Variants in SKAP1 observed in about 807,000 individuals in gnomAD.
SKAP1 encodes src kinase-associated phosphoprotein 1.
In SKAP1, 44 loss-of-function variants were observed where a neutral mutation model predicts 58.5. The observed-to-expected ratio is 0.75, with a 90% CI of 0.59 to 0.97. The LOEUF (loss-of-function observed/expected upper bound fraction) is 0.97. Ranked by LOEUF, SKAP1 falls within the 50% of genes least tolerant of loss-of-function variation. The pLI, the probability that SKAP1 is intolerant of heterozygous loss-of-function variation, is 0.00. For synonymous variants in SKAP1, 127 were observed against 149.7 expected (o/e 0.85, Z 1.11); for missense variants, 390 against 435.2 (o/e 0.90, Z 0.92).
chr17:48,368,095 T>TA (rs1386185130), intron 2 of SKAP1, among the ~76,000 whole-genome samples: 12 of 152,140 alleles, frequency 7.9e-5, no homozygotes. Flanking sequence ...GTTTGTTTTT[T>TA]AAAAAAGCCA....
At chr17:48,391,933 A>G (rs1411294411) in intron 2 of SKAP1, among the ~76,000 whole-genome samples, 1 of 152,184 alleles carries the variant, frequency 6.6e-6, no homozygotes, top group Non-Finnish European at 1.5e-5. Context: ...TTCTTTTGAT[A>G]AGCATACTTC....
At chr17:48,361,789 T>C (rs1004353805) in intron 3 of SKAP1, among the ~76,000 whole-genome samples, 1 of 152,172 alleles carries the variant, frequency 6.6e-6, no homozygotes, top group Non-Finnish European at 1.5e-5. Flanking sequence ...TCCAGGGCTT[T>C]TAAGATTCTT....
At chr17:48,332,127 C>T (rs112199701) in intron 4 of SKAP1, among the ~76,000 whole-genome samples, 1 of 152,038 alleles carries the variant, frequency 6.6e-6, no homozygotes, top group African/African-American at 2.4e-5. Context: ...TAATTACATT[C>T]TTGTTTTAAA....
rs1359764854 is a variant in SKAP1 at position 48,133,786 on chromosome 17, T to A, written c.*38A>T. The A allele has an allele frequency of 6.6e-6, 1 of 152,470 alleles. No individual in the cohort carries two copies. The highest frequency in any genetic ancestry group is 1.5e-5 in the Non-Finnish European group (1 of 68,024). The allele number at this position is 152,470 out of a possible 1,614,324, so 9.4% of individuals were successfully genotyped here. On this transcript the variant is annotated 3_prime_UTR_variant, in exon 13 of 13. Transcript: ENST00000336915. ...GAACTTTTGATGATCAGTTTCCTCA[T>A]AAAGGCAGGAGAGAGGGAAGAATAT... is the stretch of plus-strand genomic sequence containing the variant.
intron 11 of SKAP1, among the ~76,000 whole-genome samples, chr17:48,146,395 A>C (rs568895348): frequency 6.6e-6 from 1 of 151,896 alleles, no homozygotes; most frequent in East Asian, 2.0e-4. Flanking sequence ...CGGGAGGCTA[A>C]GGCAGGATAA....
chr17:48,268,369 C>T (rs1469754986), intron 4 of SKAP1, among the ~76,000 whole-genome samples: 1 of 152,058 alleles, frequency 6.6e-6, no homozygotes, highest in African/African-American at 2.4e-5. Flanking sequence ...TCCTGACTTA[C>T]AAACCCTTGA....
chr17:48,205,627 A>G (rs1000153918), intron 4 of SKAP1, among the ~76,000 whole-genome samples: 6 of 152,202 alleles, frequency 3.9e-5, no homozygotes, highest in African/African-American at 1.4e-4. Flanking sequence ...TCAGAACAGA[A>G]TTCTTAAAAA....
intron 4 of SKAP1, among the ~76,000 whole-genome samples, chr17:48,250,588 G>GT (rs1181928683): frequency 1.3e-5 from 2 of 151,994 alleles, no homozygotes; most frequent in East Asian, 3.9e-4. Context: ...GCCATAGATA[G>GT]TTTTTTTAAG....
intron 4 of SKAP1, among the ~76,000 whole-genome samples, chr17:48,224,038 AAGGAGGAGGAGGAGGAGGAGGAGGAGG>A (rs1283982367): frequency 3.4e-4 from 18 of 52,408 alleles, no homozygotes; most frequent in East Asian, 6.8e-4. Flanking sequence ...GAGAGAGAAG[AAGGAGGAGGAGGAGGAGGAGGAGGAGG>A]AGAAGGAGGA....
chr17:48,299,004 A>G (rs1020170821), intron 4 of SKAP1, among the ~76,000 whole-genome samples: 5 of 152,208 alleles, frequency 3.3e-5, no homozygotes, highest in Non-Finnish European at 7.3e-5. Flanking sequence ...TATGGAGAAT[A>G]TCAGGGACAT....
intron 11 of SKAP1, among the ~76,000 whole-genome samples, chr17:48,152,508 G>A (rs1167789730): frequency 6.6e-6 from 1 of 152,202 alleles, no homozygotes; most frequent in East Asian, 1.9e-4. Context: ...TCTAATAAAT[G>A]TGCAGTTGAC....
At chr17:48,431,813 A>C (rs2058649832), upstream of SKAP1, among the ~76,000 whole-genome samples, 1 of 152,236 alleles carries the variant, frequency 6.6e-6, no homozygotes, top group Non-Finnish European at 1.5e-5. Context: ...TGGTTTTTAC[A>C]ACAGCCATAA....
chr17:48,395,059 C>T (rs542547738), intron 2 of SKAP1, among the ~76,000 whole-genome samples: 2 of 152,292 alleles, frequency 1.3e-5, no homozygotes, highest in South Asian at 2.1e-4. Context: ...GTCTACCCCA[C>T]AAACCACACA....
intron 3 of SKAP1, among the ~76,000 whole-genome samples, chr17:48,354,836 C>T (rs964405910): frequency 5.9e-5 from 9 of 152,062 alleles, no homozygotes; most frequent in African/African-American, 1.9e-4. Context: ...AAGTCTTAAC[C>T]TACTTACTCA....
At chr17:48,363,979 T>C (rs2066969897) in intron 2 of SKAP1, among the ~76,000 whole-genome samples, 165 bp from the exon 3 acceptor site, 2 of 152,210 alleles carry the variant, frequency 1.3e-5, no homozygotes, top group Non-Finnish European at 2.9e-5. Flanking sequence ...TCCCTGAGAT[T>C]TGAAAGAGTC....
chr17:48,219,390 A>G (rs1297589377), intron 4 of SKAP1, among the ~76,000 whole-genome samples: 1 of 152,258 alleles, frequency 6.6e-6, no homozygotes, highest in East Asian at 1.9e-4. Flanking sequence ...TTATATGTCC[A>G]GCCTCAAATA....
intron 4 of SKAP1, among the ~76,000 whole-genome samples, chr17:48,202,169 T>C (rs1055445452): frequency 1.3e-5 from 2 of 152,198 alleles, no homozygotes; most frequent in South Asian, 2.1e-4. Flanking sequence ...TATGTCTCTC[T>C]AGTAAAAGAC....
intron 4 of SKAP1, among the ~76,000 whole-genome samples, chr17:48,275,217 C>T (rs2065684158): frequency 6.6e-6 from 1 of 152,138 alleles, no homozygotes; most frequent in African/African-American, 2.4e-5. Flanking sequence ...TTAATTTGTC[C>T]TTTCGAATGT....
intron 4 of SKAP1, among the ~76,000 whole-genome samples, chr17:48,301,646 T>C (rs2066058593): frequency 6.6e-6 from 1 of 152,054 alleles, no homozygotes; most frequent in Non-Finnish European, 1.5e-5. Context: ...CCAGCTAATT[T>C]TTGCAGTTTT....
Sources: gnomAD v4.1 joint callset for allele counts (sites outside exome capture counted in the v4.1 genomes callset) on GRCh38, gnomAD v4.1.1 for gene constraint, MANE v1.5 for transcripts, NCBI Gene and HGNC (gene_info 2026-07-23, HGNC 2026-07-21) for gene names.